The following NRXN3 variants were observed in gnomAD, a reference collection of about 807,000 sequenced individuals.
NRXN3 encodes the protein neurexin 3.
Under a neutral mutation model 137.6 loss-of-function variants are expected in NRXN3, and 32 were observed. That is an observed-to-expected ratio of 0.23 (90% CI 0.18 to 0.31). The LOEUF (loss-of-function observed/expected upper bound fraction) is 0.31. NRXN3 is among the 10% of genes least tolerant of loss of function. The pLI, the probability that NRXN3 is intolerant of heterozygous loss-of-function variation, is 1.00. For synonymous variants in NRXN3, 798 were observed against 784.5 expected (o/e 1.02, Z -0.29); for missense variants, 1,574 against 2,062.5 (o/e 0.76, Z 4.59).
chr14:79,488,318 GT>G (rs1555480597), intron 16 of NRXN3, among the ~76,000 whole-genome samples: 2 of 152,298 alleles, frequency 1.3e-5, no homozygotes, highest in South Asian at 2.1e-4. Context: ...ACTTGTGACA[GT>G]TTTTTTATAT....
At chr14:78,778,670 C>CTCTTT (rs769183868) in intron 8 of NRXN3, among the ~76,000 whole-genome samples, 3,639 of 139,576 alleles carry the variant, frequency 0.026, 68 homozygotes, top group South Asian at 0.056. Context: ...CTTTTCTTTT[C>CTCTTT]TCTTTTCTTT....
intron 1 of NRXN3, among the ~76,000 whole-genome samples, chr14:78,219,760 G>A (rs2063651549): frequency 6.6e-6 from 1 of 152,186 alleles, no homozygotes. Context: ...GCCTGGGAGT[G>A]ATCTCTTTAA....
chr14:78,859,859 C>T (rs2099067815), intron 10 of NRXN3, among the ~76,000 whole-genome samples: 1 of 152,102 alleles, frequency 6.6e-6, no homozygotes, highest in South Asian at 2.1e-4. Context: ...TCACTTTAGA[C>T]ATGTTTATTA....
In NRXN3 at chr14:78,761,968, T is replaced by A. The variant is rs368098158; in HGVS notation, c.2045-41652T>A. Reference sequence around the variant, plus strand: ...ATAGTTTGTATCAAGCAGGGTGTTATTATCATCATTTTACAGATAGGGAAA... The same window carrying A: ...ATAGTTTGTATCAAGCAGGGTGTTAATATCATCATTTTACAGATAGGGAAA... On this transcript the variant is annotated intron_variant, in intron 8 of 20. Coordinates refer to ENST00000335750, the MANE Select transcript of NRXN3 (RefSeq NM_001330195.2). Among the ~76,000 whole-genome samples, 9 of 152,224 alleles carry A rather than the reference T, an allele frequency of 5.9e-5. 1 individual carries two copies. The East Asian group carries it at 1.3e-3, about 23-fold the overall frequency.
intron 15 of NRXN3, among the ~76,000 whole-genome samples, chr14:79,342,459 C>CA (rs2092658619): frequency 6.6e-6 from 1 of 151,822 alleles, no homozygotes; most frequent in Admixed American, 6.6e-5. Context: ...TCTCTGACAT[C>CA]ATAGCAAAAT....
At chr14:78,769,645 C>A (rs1366424220) in intron 8 of NRXN3, among the ~76,000 whole-genome samples, 3 of 152,162 alleles carry the variant, frequency 2.0e-5, no homozygotes, top group Non-Finnish European at 4.4e-5. Context: ...AATACTGAAC[C>A]CAAAGCAAGA....
intron 8 of NRXN3, among the ~76,000 whole-genome samples, chr14:78,791,411 A>C (rs1394294246): frequency 6.6e-6 from 1 of 152,268 alleles, no homozygotes; most frequent in African/African-American, 2.4e-5. Context: ...TAGGAGCAAG[A>C]CAGAATTCTG....
intron 1 of NRXN3, among the ~76,000 whole-genome samples, chr14:78,224,940 G>C (rs1290996678): frequency 7.6e-6 from 1 of 131,496 alleles, no homozygotes; most frequent in African/African-American, 3.0e-5. Flanking sequence ...CTAATTTTTT[G>C]TATTTTTAGT....
At chr14:78,221,340 G>C (rs986861910) in intron 1 of NRXN3, among the ~76,000 whole-genome samples, 11 of 152,120 alleles carry the variant, frequency 7.2e-5, no homozygotes, top group Admixed American at 7.2e-4. Context: ...AGGTAGTTCT[G>C]GGTTGGGTTG....
chr14:79,093,683 A>C (rs1364783761), intron 15 of NRXN3, among the ~76,000 whole-genome samples: 1 of 152,188 alleles, frequency 6.6e-6, no homozygotes, highest in Admixed American at 6.5e-5. Context: ...TGACATTGCA[A>C]AACTGAAAGC....
At chr14:79,345,690 A>C (rs1356036177) in intron 15 of NRXN3, among the ~76,000 whole-genome samples, 1 of 151,928 alleles carries the variant, frequency 6.6e-6, no homozygotes, top group Admixed American at 6.6e-5. Context: ...TCCACATGAG[A>C]CTTGGTTGTT....
intron 4 of NRXN3, among the ~76,000 whole-genome samples, chr14:78,348,167 A>T (rs181791849): frequency 4.2e-4 from 64 of 152,272 alleles, no homozygotes; most frequent in South Asian, 2.3e-3. Flanking sequence ...CAGATACAGA[A>T]CTATTCATTA....
At chr14:78,405,620 G>GGGC (rs2092434926) in intron 4 of NRXN3, among the ~76,000 whole-genome samples, 1 of 139,422 alleles carries the variant, frequency 7.2e-6, no homozygotes, top group Non-Finnish European at 1.6e-5. Context: ...GGGCGGGGGG[G>GGGC]TTCCGGGTAT....
At chr14:79,335,714 T>C (rs2092205016) in intron 15 of NRXN3, among the ~76,000 whole-genome samples, 1 of 152,088 alleles carries the variant, frequency 6.6e-6, no homozygotes, top group Non-Finnish European at 1.5e-5. Flanking sequence ...TATATACATA[T>C]CACTTTTTGG....
At chr14:78,333,796 G>C (rs1000296493) in intron 4 of NRXN3, among the ~76,000 whole-genome samples, 8 of 152,110 alleles carry the variant, frequency 5.3e-5, no homozygotes, top group Admixed American at 2.0e-4. Flanking sequence ...GAGAGAATGG[G>C]GAGTCAACAG....
At chr14:79,546,129 A>T (rs2097317284) in intron 16 of NRXN3, among the ~76,000 whole-genome samples, 1 of 152,138 alleles carries the variant, frequency 6.6e-6, no homozygotes, top group African/African-American at 2.4e-5. Context: ...GCCACATGGA[A>T]CTGTAAGTCC....
At chr14:79,841,395 C>A (rs113340704) in intron 20 of NRXN3, among the ~76,000 whole-genome samples, 2 of 152,226 alleles carry the variant, frequency 1.3e-5, no homozygotes, top group African/African-American at 4.8e-5. Context: ...GGGATCCCAG[C>A]ACAAAGAAAA....
chr14:78,717,559 A>G (rs575565611), intron 8 of NRXN3, among the ~76,000 whole-genome samples: 16 of 151,120 alleles, frequency 1.1e-4, no homozygotes, highest in African/African-American at 3.9e-4. Flanking sequence ...TGTAAAAATT[A>G]TAGGACTCTT....
intron 3 of NRXN3, among the ~76,000 whole-genome samples, chr14:78,281,109 G>A (rs2074347292): frequency 6.6e-6 from 1 of 152,134 alleles, no homozygotes; most frequent in Non-Finnish European, 1.5e-5. Context: ...GCTTTTTTGT[G>A]GTTTCTGAGC....
Sources: gnomAD v4.1 joint callset for allele counts (sites outside exome capture counted in the v4.1 genomes callset) on GRCh38, gnomAD v4.1.1 for gene constraint, MANE v1.5 for transcripts, NCBI Gene and HGNC (gene_info 2026-07-23, HGNC 2026-07-21) for gene names.